The following APCDD1L variants were observed in gnomAD, a reference collection of about 807,000 sequenced individuals.
APCDD1L encodes APC down-regulated 1 like, also known as protein APCDD1-like.
Under a neutral mutation model 24.2 loss-of-function variants are expected in APCDD1L, and 21 were observed. The ratio of observed to expected loss-of-function variants is 0.87; its 90% CI spans 0.61 to 1.25. The LOEUF (loss-of-function observed/expected upper bound fraction) is 1.25. Ranked by LOEUF, APCDD1L falls within the 50% of genes most tolerant of loss-of-function variation. The pLI is 0.00. For missense variants in APCDD1L, 704 were observed against 711.7 expected (o/e 0.99, Z 0.12); for synonymous variants, 321 against 323.6 (o/e 0.99, Z 0.09).
chr20:58,505,630 A>G (rs1323121817), intron 1 of APCDD1L, among the ~76,000 whole-genome samples: 1 of 152,198 alleles, frequency 6.6e-6, no homozygotes, highest in Non-Finnish European at 1.5e-5. Flanking sequence ...ACCTGGTGCC[A>G]TCCCACCCAC....
rs147511787 is a variant in APCDD1L at position 58,483,723 on chromosome 20, G to A, written c.50-12976C>T. Among the ~76,000 whole-genome samples, 13 of 152,322 alleles carry A rather than the reference G, an allele frequency of 8.5e-5. No individual in the cohort carries two copies. The East Asian group carries it at 9.7e-4, about 11-fold the overall frequency. ...GCTGGCTTGTGTTAAGGATGATGTCGTGCACATTTGAGGGCTGGGGAAGGA... is the reference window on the plus strand; with the variant it reads ...GCTGGCTTGTGTTAAGGATGATGTCATGCACATTTGAGGGCTGGGGAAGGA... On this transcript the variant is annotated intron_variant, in intron 1 of 3. Transcript: ENST00000371149.
At chr20:58,477,577 T>C (rs1278638956) in intron 1 of APCDD1L, among the ~76,000 whole-genome samples, 1 of 152,232 alleles carries the variant, frequency 6.6e-6, no homozygotes, top group African/African-American at 2.4e-5. Flanking sequence ...ATCTACCATG[T>C]TTCTCCACTA....
intron 3 of APCDD1L, among the ~76,000 whole-genome samples, chr20:58,462,309 A>G (rs1348328430): frequency 6.6e-6 from 1 of 152,102 alleles, no homozygotes; most frequent in Admixed American, 6.5e-5. Context: ...TGAGACCCAG[A>G]GGGCCGGCTG....
At chr20:58,491,768 GA>G (rs1217653298) in intron 1 of APCDD1L, among the ~76,000 whole-genome samples, 10 of 152,166 alleles carry the variant, frequency 6.6e-5, no homozygotes, top group African/African-American at 2.4e-4. Context: ...AAGGTGTCAG[GA>G]ATTGAAAAAT....
chr20:58,504,955 T>A (rs1990505956), intron 1 of APCDD1L, among the ~76,000 whole-genome samples: 1 of 152,132 alleles, frequency 6.6e-6, no homozygotes, highest in African/African-American at 2.4e-5. Context: ...CTTGCTGAAG[T>A]CCTAGCAAAT....
rs973976669 is a variant in APCDD1L, at chr20:58,479,951, A to G, written c.50-9204T>C. On this transcript the variant is annotated intron_variant, in intron 1 of 3. Coordinates refer to ENST00000371149, the MANE Select transcript of APCDD1L (RefSeq NM_153360.3). ...AGGGTTTGCACCAGAACACCCCCAG[A>G]AGGCTGCAGATTGGATGCTATGACT... 2.4e-4 allele frequency among the ~76,000 whole-genome samples: 37 copies of G among 152,348 alleles called. 1 individual carries two copies. The highest frequency in any genetic ancestry group is 8.4e-4 in the African/African-American group (35 of 41,578).
intron 3 of APCDD1L, among the ~76,000 whole-genome samples, chr20:58,465,554 AT>A (rs1989690423): frequency 6.6e-6 from 1 of 152,344 alleles, no homozygotes; most frequent in Admixed American, 6.5e-5. Context: ...GAACACATCC[AT>A]CCATCCACAC....
intron 1 of APCDD1L, among the ~76,000 whole-genome samples, chr20:58,495,404 C>T (rs73915895): frequency 6.6e-6 from 1 of 152,202 alleles, no homozygotes; most frequent in African/African-American, 2.4e-5. Context: ...CAGATAGAAG[C>T]CTTATCAAAC....
chr20:58,504,497 G>A (rs915992423), intron 1 of APCDD1L, among the ~76,000 whole-genome samples: 1 of 152,214 alleles, frequency 6.6e-6, no homozygotes, highest in Non-Finnish European at 1.5e-5. Flanking sequence ...CAGGTGTCAA[G>A]TGGTGATAAA....
At chr20:58,486,740 A>G (rs1224755619) in intron 1 of APCDD1L, among the ~76,000 whole-genome samples, 1 of 152,192 alleles carries the variant, frequency 6.6e-6, no homozygotes, top group African/African-American at 2.4e-5. Flanking sequence ...CAACAAGGGC[A>G]AAACAAAGAC....
chr20:58,485,862 T>G (rs1421355711), intron 1 of APCDD1L, among the ~76,000 whole-genome samples: 2 of 152,208 alleles, frequency 1.3e-5, no homozygotes, highest in Non-Finnish European at 2.9e-5. Context: ...AAGGGGGGCC[T>G]GCCTGTAGAG....
intron 1 of APCDD1L, among the ~76,000 whole-genome samples, chr20:58,505,411 T>A (rs1044672505): frequency 3.3e-5 from 5 of 152,146 alleles, no homozygotes; most frequent in African/African-American, 1.2e-4. Context: ...TCCTCCCATG[T>A]CAGTCCATTT....
At position 58,470,601 on chromosome 20, in the gene APCDD1L, A is replaced by G; in HGVS notation, c.188+8T>C. On this transcript the variant is annotated splice_region_variant and intron_variant, in intron 2 of 3. Coordinates refer to ENST00000371149, the MANE Select transcript of APCDD1L (RefSeq NM_153360.3). ...GGGGTCCATGGTCAGGATGACCTGAAGTCTTACCCTGTGGAGATCCAAGGT... is the reference window on the plus strand; with the variant it reads ...GGGGTCCATGGTCAGGATGACCTGAGGTCTTACCCTGTGGAGATCCAAGGT... 6.3e-7 allele frequency: 1 copy of G among 1,585,026 alleles called. No individual in the cohort carries two copies. Among genetic ancestry groups the G allele is most frequent in the Non-Finnish European group, 8.6e-7 (1 of 1,165,448 alleles).
At chr20:58,506,452 T>G (rs1300977960) in intron 1 of APCDD1L, among the ~76,000 whole-genome samples, 1 of 152,200 alleles carries the variant, frequency 6.6e-6, no homozygotes, top group Non-Finnish European at 1.5e-5. Flanking sequence ...TACGGAGGAC[T>G]TGCTCTGTGT....
At chr20:58,473,457 T>C (rs530264387) in intron 1 of APCDD1L, among the ~76,000 whole-genome samples, 34 of 152,360 alleles carry the variant, frequency 2.2e-4, no homozygotes, top group Non-Finnish European at 4.4e-4. Context: ...AAGATGCACC[T>C]GTGGAGGAGC....
chr20:58,480,250 C>G (rs1330583010), intron 1 of APCDD1L, among the ~76,000 whole-genome samples: 1 of 152,200 alleles, frequency 6.6e-6, no homozygotes, highest in African/African-American at 2.4e-5. Flanking sequence ...TTCAGCATCC[C>G]AGCCCTGTGG....
At chr20:58,491,420 G>T (rs1990223425) in intron 1 of APCDD1L, among the ~76,000 whole-genome samples, 1 of 152,128 alleles carries the variant, frequency 6.6e-6, no homozygotes, top group African/African-American at 2.4e-5. Context: ...CTGGATAAAA[G>T]AAATCAATAT....
At chr20:58,495,937 C>T (rs999325771) in intron 1 of APCDD1L, among the ~76,000 whole-genome samples, 9 of 152,200 alleles carry the variant, frequency 5.9e-5, no homozygotes, top group Non-Finnish European at 1.3e-4. Context: ...CCAGGCTGGG[C>T]CCCTGTGCCC....
intron 1 of APCDD1L, among the ~76,000 whole-genome samples, chr20:58,480,947 T>C (rs1990013828): frequency 6.6e-6 from 1 of 152,214 alleles, no homozygotes; most frequent in African/African-American, 2.4e-5. Flanking sequence ...GATGTTCCGG[T>C]GTTTTGGAGA....
Sources: allele counts gnomAD v4.1 joint callset (sites outside exome capture counted in the v4.1 genomes callset), GRCh38; gene constraint gnomAD v4.1.1; transcripts MANE v1.5; gene names NCBI Gene and HGNC (gene_info 2026-07-23, HGNC 2026-07-21).